Variants in CPQ observed in about 807,000 individuals in gnomAD.
CPQ encodes carboxypeptidase Q.
Under a neutral mutation model 45.7 loss-of-function variants are expected in CPQ, and 37 were observed. The observed-to-expected ratio is 0.81, with a 90% CI of 0.62 to 1.07. The LOEUF (loss-of-function observed/expected upper bound fraction) is 1.07. CPQ is among the 50% of genes least tolerant of loss of function. The pLI is 0.00. For synonymous variants in CPQ, 186 were observed against 205.8 expected, an observed-to-expected ratio of 0.90 and a Z score of 0.82; for missense variants, 537 against 572.9, an observed-to-expected ratio of 0.94 and a Z score of 0.64.
At chr8:97,038,825 CAA>C (rs35739621) in intron 6 of CPQ, among the ~76,000 whole-genome samples, 28,793 of 92,688 alleles carry the variant, frequency 0.31, 2,035 homozygotes, top group East Asian at 0.42. Context: ...ACCGTATTTA[CAA>C]AAAAAAAAAA....
intron 5 of CPQ, among the ~76,000 whole-genome samples, chr8:97,010,471 TTGTGAAAA>T (rs1809468989): frequency 6.6e-6 from 1 of 152,182 alleles, no homozygotes; most frequent in Non-Finnish European, 1.5e-5. Flanking sequence ...TATAGAATTA[TTGTGAAAA>T]TTAAATGAGA....
At chr8:96,908,747 G>GCACA (rs34425501) in intron 4 of CPQ, among the ~76,000 whole-genome samples, 3,347 of 140,574 alleles carry the variant, frequency 0.024, 58 homozygotes, top group South Asian at 0.082. Context: ...ATACACATGC[G>GCACA]CACACACACA....
At chr8:96,810,115 G>A (rs989720399) in intron 2 of CPQ, among the ~76,000 whole-genome samples, 10 of 152,178 alleles carry the variant, frequency 6.6e-5, no homozygotes, top group Admixed American at 2.6e-4. Flanking sequence ...GATTCAGTTT[G>A]GAATTCACCT....
At chr8:97,055,550 A>T (rs892913340) in intron 6 of CPQ, 3 of 152,290 alleles carry the variant, frequency 2.0e-5, no homozygotes, top group Non-Finnish European at 4.4e-5. Flanking sequence ...GCAAGGGCTG[A>T]AACGGAGACA....
At chr8:96,859,376 C>T (rs576730442) in intron 3 of CPQ, among the ~76,000 whole-genome samples, 4 of 152,302 alleles carry the variant, frequency 2.6e-5, no homozygotes, top group African/African-American at 9.6e-5. Context: ...GGGAGACCAA[C>T]TCTGTGTTCA....
intron 7 of CPQ, among the ~76,000 whole-genome samples, chr8:97,132,626 G>T (rs1811975970): frequency 6.6e-6 from 1 of 152,158 alleles, no homozygotes; most frequent in African/African-American, 2.4e-5. Flanking sequence ...TTATACTAAA[G>T]CATGATTATT....
chr8:97,008,831 T>C (rs1322623829), intron 5 of CPQ, among the ~76,000 whole-genome samples: 1 of 152,086 alleles, frequency 6.6e-6, no homozygotes, highest in Non-Finnish European at 1.5e-5. Flanking sequence ...GCATATTGCC[T>C]GGCACAGGAT....
chr8:96,878,004 C>T (rs1206171717), intron 3 of CPQ, among the ~76,000 whole-genome samples: 1 of 152,088 alleles, frequency 6.6e-6, no homozygotes, highest in Non-Finnish European at 1.5e-5. Flanking sequence ...GCTCTGTCGC[C>T]CAGGCTGGAG....
intron 1 of CPQ, among the ~76,000 whole-genome samples, chr8:96,779,616 T>G (rs1391736430): frequency 6.6e-6 from 1 of 152,168 alleles, no homozygotes; most frequent in Non-Finnish European, 1.5e-5. Context: ...TCTACAATGG[T>G]GTCATTATAT....
intron 4 of CPQ, among the ~76,000 whole-genome samples, chr8:96,931,518 C>G (rs775907194): frequency 6.6e-6 from 1 of 152,110 alleles, no homozygotes; most frequent in Non-Finnish European, 1.5e-5. Flanking sequence ...CTGATACACT[C>G]CTAGGATCAC....
intron 3 of CPQ, among the ~76,000 whole-genome samples, chr8:96,836,078 T>G (rs1392184352): frequency 6.6e-6 from 1 of 152,154 alleles, no homozygotes; most frequent in African/African-American, 2.4e-5. Context: ...AAGCATAACT[T>G]TAGTGTGATA....
chr8:96,826,861 T>C (rs1811386298), intron 2 of CPQ, among the ~76,000 whole-genome samples: 1 of 152,078 alleles, frequency 6.6e-6, no homozygotes, highest in Non-Finnish European at 1.5e-5. Flanking sequence ...CTCCCACTTA[T>C]AAGCGAGAAC....
intron 1 of CPQ, among the ~76,000 whole-genome samples, chr8:96,668,027 A>G (rs1434435597): frequency 1.3e-5 from 2 of 152,198 alleles, no homozygotes; most frequent in Admixed American, 6.5e-5. Flanking sequence ...CTAATGATTA[A>G]TTATTAATTG....
At chr8:97,054,333 T>C (rs1394850028) in intron 6 of CPQ, among the ~76,000 whole-genome samples, 1 of 152,116 alleles carries the variant, frequency 6.6e-6, no homozygotes, top group Non-Finnish European at 1.5e-5. Flanking sequence ...GGAACGTAAA[T>C]TAGTATAGCC....
chr8:97,101,203 T>C (rs1293466553), intron 7 of CPQ, among the ~76,000 whole-genome samples: 2 of 152,166 alleles, frequency 1.3e-5, no homozygotes, highest in Non-Finnish European at 2.9e-5. Flanking sequence ...AAAGTCATTG[T>C]TTCTGAGTAT....
intron 1 of CPQ, among the ~76,000 whole-genome samples, chr8:96,713,706 G>C (rs368846001): frequency 6.6e-6 from 1 of 152,134 alleles, no homozygotes; most frequent in Non-Finnish European, 1.5e-5. Context: ...GATGAGATTT[G>C]GATGGGGACA....
intron 4 of CPQ, among the ~76,000 whole-genome samples, chr8:96,911,067 A>C (rs984066738): frequency 6.6e-6 from 1 of 152,222 alleles, no homozygotes; most frequent in Non-Finnish European, 1.5e-5. Context: ...TTATGATGTG[A>C]ATACTATAAG....
intron 1 of CPQ, among the ~76,000 whole-genome samples, chr8:96,700,693 C>T (rs1809446493): frequency 6.6e-6 from 1 of 152,184 alleles, no homozygotes; most frequent in African/African-American, 2.4e-5. Context: ...TCAACCTCTG[C>T]CACATCTGAA....
chr8:96,934,696 G>A (rs1813021190), intron 4 of CPQ, among the ~76,000 whole-genome samples: 1 of 152,086 alleles, frequency 6.6e-6, no homozygotes, highest in Non-Finnish European at 1.5e-5. Context: ...CACTTTGCAA[G>A]CCTACAAAAT....
Sources: gnomAD v4.1 joint callset for allele counts (sites outside exome capture counted in the v4.1 genomes callset) on GRCh38, gnomAD v4.1.1 for gene constraint, MANE v1.5 for transcripts, NCBI Gene and HGNC (gene_info 2026-07-23, HGNC 2026-07-21) for gene names.